DNAH14: variants seen among roughly 807,000 people sequenced by gnomAD.
DNAH14 encodes the protein dynein axonemal heavy chain 14, also known as axonemal beta dynein heavy chain 14.
DNAH14 carries 478 observed loss-of-function variants against 520.9 expected under a neutral mutation model. That is an observed-to-expected ratio of 0.92 (90% CI 0.85 to 0.99). The LOEUF (loss-of-function observed/expected upper bound fraction) is 0.99, where lower values mean the gene tolerates loss of function less well. Ranked by LOEUF, DNAH14 falls within the 50% of genes least tolerant of loss-of-function variation. The probability of loss-of-function intolerance (pLI) is 0.00; values close to 1 mark genes in which losing one functional copy is unlikely to be tolerated. For missense variants in DNAH14, 4,831 were observed against 5,234.5 expected (o/e 0.92, Z 2.38); for synonymous variants, 1,581 against 1,757.2 (o/e 0.90, Z 2.51).
At chr1:225,182,571 A>G (rs915155116) in intron 36 of DNAH14, among the ~76,000 whole-genome samples, 1 of 152,178 alleles carries the variant, frequency 6.6e-6, no homozygotes, top group East Asian at 1.9e-4. Flanking sequence ...AGACACATTG[A>G]AAAAAGTAGA....
intron 68 of DNAH14, among the ~76,000 whole-genome samples, chr1:225,339,343 T>A (rs780124900): frequency 2.5e-4 from 38 of 152,182 alleles, no homozygotes; most frequent in South Asian, 1.2e-3. Flanking sequence ...TCTCTTCCAT[T>A]AATAAAACAG....
chr1:225,364,346 T>G (rs1463630757), intron 75 of DNAH14, among the ~76,000 whole-genome samples: 1 of 152,222 alleles, frequency 6.6e-6, no homozygotes, highest in African/African-American at 2.4e-5. Flanking sequence ...TCTTCTAAAT[T>G]TATTTAATGA....
At chr1:225,351,123 G>T (rs1191658877) in intron 71 of DNAH14, among the ~76,000 whole-genome samples, 7 of 152,174 alleles carry the variant, frequency 4.6e-5, no homozygotes, top group African/African-American at 1.7e-4. Flanking sequence ...GTTAAGATTG[G>T]CTGGGTGCAG....
intron 41 of DNAH14, among the ~76,000 whole-genome samples, chr1:225,208,407 C>T (rs1188894548): frequency 6.6e-6 from 1 of 151,928 alleles, no homozygotes; most frequent in Non-Finnish European, 1.5e-5. Flanking sequence ...TTAGTGAGAG[C>T]CATAACAACA....
intron 1 of DNAH14, among the ~76,000 whole-genome samples, chr1:224,936,172 ACAAAC>A (rs1430716429): frequency 2.0e-5 from 3 of 151,878 alleles, no homozygotes; most frequent in Non-Finnish European, 4.4e-5. Flanking sequence ...AAAAGCAAGA[ACAAAC>A]CAAACCCCAA....
chr1:225,072,342 T>G (rs1241432602), intron 17 of DNAH14, among the ~76,000 whole-genome samples: 4 of 152,230 alleles, frequency 2.6e-5, no homozygotes, highest in Non-Finnish European at 5.9e-5. Flanking sequence ...TTAATACTTG[T>G]GATTGCATTA....
intron 28 of DNAH14, among the ~76,000 whole-genome samples, chr1:225,143,003 T>C (rs12565929): frequency 0.2 from 30,165 of 152,068 alleles, 6,171 homozygotes; most frequent in African/African-American, 0.51. Context: ...TTGTGTACCT[T>C]GTTTCAAGCA....
intron 41 of DNAH14, among the ~76,000 whole-genome samples, chr1:225,220,754 TTCCCA>T (rs1180043905): frequency 2.2e-4 from 33 of 152,284 alleles, no homozygotes; most frequent in African/African-American, 7.5e-4. Flanking sequence ...TTCAATGCTA[TTCCCA>T]TCAAGCTACA....
chr1:225,284,225 G>T (rs1160787632), intron 54 of DNAH14, among the ~76,000 whole-genome samples: 1 of 151,730 alleles, frequency 6.6e-6, no homozygotes, highest in Non-Finnish European at 1.5e-5. Flanking sequence ...TCTTTGAAAA[G>T]ATCAACAAAA....
rs1269673858 is a variant in DNAH14, at chr1:224,929,705, G to A, written c.-164G>A. The A allele has an allele frequency of 1.4e-6, 1 of 702,430 alleles. No homozygotes were observed. Among genetic ancestry groups the A allele is most frequent in the Middle Eastern group, 2.3e-4 (1 of 4,370 alleles). 43.5% of individuals were successfully genotyped at this position (702,430 alleles called of 1,614,324 possible). On this transcript the variant is annotated 5_prime_UTR_variant, in exon 1 of 86. Transcript: ENST00000682510. ...GCGGTTACGGCCAGGAGGCGTCGGA[G>A]CCTGGCGTGGTAGGGCTGTGCTGCG...
At chr1:225,014,990 A>C (rs2065093680) in intron 10 of DNAH14, among the ~76,000 whole-genome samples, 1 of 152,198 alleles carries the variant, frequency 6.6e-6, no homozygotes, top group African/African-American at 2.4e-5. Context: ...TGATGTGTGC[A>C]TATATATTTA....
At chr1:225,303,482 T>G in intron 57 of DNAH14, 135 bp downstream of exon 57, 2 of 715,778 alleles carry the variant, frequency 2.8e-6, no homozygotes, top group Non-Finnish European at 4.4e-6. Context: ...GGATCAAGTG[T>G]TTACAATGAC....
Position 225,107,647 on chromosome 1 carries a change from C to T in DNAH14, c.3867+6763C>T, listed in dbSNP as rs560868900. 1.7e-4 allele frequency among the ~76,000 whole-genome samples: 26 copies of T among 152,284 alleles called. No individual in the cohort carries two copies. The South Asian group carries it at 5.4e-3, about 32-fold the overall frequency. On this transcript the variant is annotated intron_variant, in intron 23 of 85. Transcript: ENST00000682510. ...TCTCCAAAGCACAGGACAGGAACCC[C>T]ACCTGCCATGGATACCGGAATTGCT...
intron 37 of DNAH14, 104 bp downstream of exon 37, chr1:225,185,529 A>G (rs530619468): frequency 1.7e-6 from 2 of 1,209,496 alleles, no homozygotes; most frequent in South Asian, 4.3e-5. Context: ...TACTTATTAA[A>G]CTTATTGCTA....
At chr1:224,950,844 C>G (rs1396990184) in intron 1 of DNAH14, among the ~76,000 whole-genome samples, 1 of 151,716 alleles carries the variant, frequency 6.6e-6, no homozygotes, top group Admixed American at 6.6e-5. Flanking sequence ...CAAAAGAACA[C>G]TATTTTGCTC....
intron 5 of DNAH14, among the ~76,000 whole-genome samples, chr1:224,966,466 T>A (rs1000943691): frequency 1.3e-5 from 2 of 152,110 alleles, no homozygotes; most frequent in Non-Finnish European, 2.9e-5. Context: ...AAGTTAAAAG[T>A]TTCAAGAAAC....
intron 55 of DNAH14, among the ~76,000 whole-genome samples, chr1:225,299,487 A>G (rs140715753): frequency 4.6e-5 from 7 of 152,090 alleles, no homozygotes; most frequent in African/African-American, 1.7e-4. Flanking sequence ...GGTTTCTGCT[A>G]TATCTATATA....
intron 1 of DNAH14, among the ~76,000 whole-genome samples, chr1:224,935,628 A>G (rs1372458880): frequency 2.0e-5 from 3 of 151,920 alleles, no homozygotes; most frequent in Admixed American, 2.0e-4. Context: ...GGGGACTTCA[A>G]TACCCCACTC....
chr1:225,049,808 A>G (rs1254372674), intron 15 of DNAH14, among the ~76,000 whole-genome samples: 1 of 151,132 alleles, frequency 6.6e-6, no homozygotes, highest in Non-Finnish European at 1.5e-5. Flanking sequence ...CTATCTATCT[A>G]TCAATCATCT....
Sources: gnomAD v4.1 joint callset for allele counts (sites outside exome capture counted in the v4.1 genomes callset) on GRCh38, gnomAD v4.1.1 for gene constraint, MANE v1.5 for transcripts, NCBI Gene and HGNC (gene_info 2026-07-23, HGNC 2026-07-21) for gene names.